LRP1B: variants seen among roughly 807,000 people sequenced by gnomAD.
The protein encoded by LRP1B is LDL receptor related protein 1B.
A neutral mutation model predicts 556.6 loss-of-function variants in LRP1B; 217 were observed. That is an observed-to-expected ratio of 0.39 (90% confidence interval 0.35 to 0.44). The LOEUF is 0.44. Among genes scored for constraint, LRP1B ranks in the 20% least tolerant of loss-of-function variants. LRP1B has a pLI of 1.00. For synonymous variants in LRP1B, 2,047 were observed against 1,865.8 expected, an observed-to-expected ratio of 1.10 and a Z score of -2.50; for missense variants, 5,053 against 5,620.8, an observed-to-expected ratio of 0.90 and a Z score of 3.23.
intron 7 of LRP1B, among the ~76,000 whole-genome samples, chr2:141,154,435 A>C (rs1410186033): frequency 2.0e-5 from 3 of 151,870 alleles, no homozygotes; most frequent in African/African-American, 7.2e-5. Flanking sequence ...ATTAAAATGC[A>C]GTTTATTATA....
At chr2:141,527,762 G>A (rs72852499) in intron 2 of LRP1B, among the ~76,000 whole-genome samples, 16,867 of 152,006 alleles carry the variant, frequency 0.11, 1,104 homozygotes, top group South Asian at 0.25. Context: ...TTCTTACAAG[G>A]ACCAAACTTA....
chr2:141,467,843 G>GAGT (rs761721055), intron 3 of LRP1B, among the ~76,000 whole-genome samples: 2 of 133,196 alleles, frequency 1.5e-5, no homozygotes, highest in Admixed American at 7.9e-5. Context: ...GCGGACCGGG[G>GAGT]GGGGGGGAAT....
intron 3 of LRP1B, among the ~76,000 whole-genome samples, chr2:141,364,619 G>A (rs190047192): frequency 6.6e-5 from 10 of 152,260 alleles, no homozygotes; most frequent in Non-Finnish European, 1.3e-4. Context: ...CAATCTGGCA[G>A]CTGAAAGGTA....
intron 16 of LRP1B, among the ~76,000 whole-genome samples, chr2:140,991,799 G>A (rs545151533): frequency 6.6e-6 from 1 of 152,228 alleles, no homozygotes; most frequent in Admixed American, 6.6e-5. Context: ...AACAGTCAGT[G>A]CAGTATTGCA....
chr2:142,095,879 A>C lies in LRP1B; in HGVS notation c.82+34769T>G, dbSNP rs558540602. Among the ~76,000 whole-genome samples, 262 of 151,810 alleles carry C rather than the reference A, an allele frequency of 1.7e-3. 2 individuals carry two copies. The highest frequency in any genetic ancestry group is 5.8e-3 in the African/African-American group (239 of 41,490). On this transcript the variant is annotated intron_variant, in intron 1 of 90. Transcript: ENST00000389484. Reference sequence around the variant, plus strand: ...TTTGGATTAAAATCCAACCCCAAAAAACAAAAGACATTACTATGTCAAGAT... The same window carrying C: ...TTTGGATTAAAATCCAACCCCAAAACACAAAAGACATTACTATGTCAAGAT...
intron 2 of LRP1B, among the ~76,000 whole-genome samples, chr2:141,759,042 A>T (rs925903527): frequency 9.2e-5 from 14 of 152,246 alleles, no homozygotes; most frequent in African/African-American, 3.4e-4. Flanking sequence ...TTGGGAAAAA[A>T]ATGCAAAAGT....
At chr2:140,677,689 A>G (rs888262566) in intron 41 of LRP1B, among the ~76,000 whole-genome samples, 1 of 150,262 alleles carries the variant, frequency 6.7e-6, no homozygotes, top group South Asian at 2.1e-4. Context: ...CCTGGTCAAC[A>G]TGGTGAAACC....
chr2:141,739,352 A>G (rs556289290), intron 2 of LRP1B, among the ~76,000 whole-genome samples: 19 of 152,246 alleles, frequency 1.2e-4, no homozygotes, highest in African/African-American at 4.1e-4. Context: ...CTTAAACCCA[A>G]AATAAATAAA....
chr2:141,835,368 T>C (rs1697244324), intron 1 of LRP1B, among the ~76,000 whole-genome samples: 1 of 151,948 alleles, frequency 6.6e-6, no homozygotes, highest in Non-Finnish European at 1.5e-5. Flanking sequence ...ACTATCACCC[T>C]GTCAACTCCA....
chr2:141,919,398 T>A (rs943641825), intron 1 of LRP1B, among the ~76,000 whole-genome samples: 1 of 152,010 alleles, frequency 6.6e-6, no homozygotes, highest in Non-Finnish European at 1.5e-5. Context: ...TGCACTAATA[T>A]AAGAAATGAA....
At chr2:140,800,142 G>A (rs542167164) in intron 32 of LRP1B, among the ~76,000 whole-genome samples, 15 of 152,188 alleles carry the variant, frequency 9.9e-5, no homozygotes, top group East Asian at 1.9e-4. Flanking sequence ...GCAAACTATC[G>A]CAGGGACAAA....
chr2:140,961,994 T>A (rs963831711), intron 18 of LRP1B, among the ~76,000 whole-genome samples: 2 of 152,218 alleles, frequency 1.3e-5, no homozygotes, highest in Non-Finnish European at 2.9e-5. Context: ...ACTATTATAC[T>A]ATCTACTATT....
chr2:141,260,391 C>T (rs934023219), intron 3 of LRP1B, among the ~76,000 whole-genome samples: 26 of 152,030 alleles, frequency 1.7e-4, no homozygotes, highest in Admixed American at 1.3e-3. Flanking sequence ...TTTAGGACAC[C>T]TTTTCACAAA....
Position 141,810,263 on chromosome 2 carries a change from G to T in LRP1B, c.205+16C>A. 6.2e-7 allele frequency: 1 copy of T among 1,611,960 alleles called. No individual in the cohort carries two copies. Among genetic ancestry groups the T allele is most frequent in the Non-Finnish European group, 8.5e-7 (1 of 1,178,658 alleles). On this transcript the variant is annotated intron_variant, in intron 2 of 90. Coordinates refer to ENST00000389484, the MANE Select transcript of LRP1B (RefSeq NM_018557.3). ...TGTAAGGTAAATCCGAATGGCATGAGAACCTTTCTACTCACAGGTATCTAA... is the reference window on the plus strand; with the variant it reads ...TGTAAGGTAAATCCGAATGGCATGATAACCTTTCTACTCACAGGTATCTAA...
intron 18 of LRP1B, among the ~76,000 whole-genome samples, chr2:140,952,309 G>C (rs2105303655): frequency 6.6e-6 from 1 of 152,186 alleles, no homozygotes; most frequent in African/African-American, 2.4e-5. Context: ...AAAGTAATGT[G>C]TTTATGCTTT....
At chr2:141,782,182 C>T (rs979564653) in intron 2 of LRP1B, among the ~76,000 whole-genome samples, 8 of 152,086 alleles carry the variant, frequency 5.3e-5, no homozygotes, top group African/African-American at 1.4e-4. Flanking sequence ...ACATGATGTA[C>T]TTGCCAGACA....
At position 140,371,225 on chromosome 2, in the gene LRP1B, G is replaced by A. The variant is rs747784676; in HGVS notation, c.10829C>T (p.Ser3610Phe). ...ICASDGCISA[S>F]LKCNGEYDCA... ...ATCATATTCTCCATTACATTTCAAA[G>A]ATGCTGAAATACATCCATCACTGGC... The change falls in exon 70 of 91, where the codon TCT (serine) becomes TTT (phenylalanine). Residue 3610 changes from serine to phenylalanine, a missense_variant. By Grantham distance (155) the Ser-to-Phe change is radical. Around this residue, in one of 5 missense-constraint regions of LRP1B, gnomAD observed 599 missense variants for 648.4 expected, o/e 0.92. Coordinates refer to ENST00000389484, the MANE Select transcript of LRP1B (RefSeq NM_018557.3). The A allele has an allele frequency of 1.7e-5, 27 of 1,596,854 alleles. No homozygotes were observed. The highest frequency in any genetic ancestry group is 2.0e-5 in the Non-Finnish European group (24 of 1,171,726).
At chr2:140,298,567 ATATTGT>A (rs1182977069) in intron 83 of LRP1B, among the ~76,000 whole-genome samples, 6 of 152,160 alleles carry the variant, frequency 3.9e-5, no homozygotes, top group Non-Finnish European at 5.9e-5. Flanking sequence ...TCTAATTTTG[ATATTGT>A]TATTCACAAG....
intron 6 of LRP1B, among the ~76,000 whole-genome samples, chr2:141,220,288 T>G (rs930679018): frequency 6.6e-6 from 1 of 151,838 alleles, no homozygotes; most frequent in Non-Finnish European, 1.5e-5. Context: ...ACCACAAGTA[T>G]CAACAGCCAA....
Sources: gnomAD v4.1 joint callset for allele counts (sites outside exome capture counted in the v4.1 genomes callset) on GRCh38, gnomAD v4.1.1 for gene constraint, gnomAD v4.1.1 regional missense constraint, MANE v1.5 for transcripts, NCBI Gene and HGNC (gene_info 2026-07-23, HGNC 2026-07-21) for gene names.